Variants in PIK3CB observed in about 807,000 individuals in gnomAD.
PIK3CB encodes the protein phosphatidylinositol 4,5-bisphosphate 3-kinase catalytic subunit beta isoform.
Under a neutral mutation model 136.8 loss-of-function variants are expected in PIK3CB, and 39 were observed. The ratio of observed to expected loss-of-function variants is 0.29; its 90% CI spans 0.22 to 0.37. The LOEUF is 0.37. Ranked by LOEUF, PIK3CB falls within the 10% of genes least tolerant of loss-of-function variation. PIK3CB has a pLI of 1.00. For missense variants in PIK3CB, 868 were observed against 1,275.4 expected (o/e 0.68, Z 4.87); for synonymous variants, 428 against 436.6 (o/e 0.98, Z 0.25).
chr3:138,750,823 T>G (rs752261926), intron 4 of PIK3CB, among the ~76,000 whole-genome samples: 1 of 152,156 alleles, frequency 6.6e-6, no homozygotes, highest in East Asian at 1.9e-4. Context: ...AGGTGACCCT[T>G]TCTGACATAG....
rs1003075703 is a variant in PIK3CB, at chr3:138,654,232, G to C, written c.*1157C>G. 10 of 214,142 alleles carry C rather than the reference G, an allele frequency of 4.7e-5. No homozygotes were observed. Among genetic ancestry groups the C allele is most frequent in the Admixed American group, 1.2e-4 (2 of 17,112 alleles). The allele number at this position is 214,142 out of a possible 1,614,324, so 13.3% of individuals were successfully genotyped here. On this transcript the variant is annotated 3_prime_UTR_variant, in exon 24 of 24. Transcript: ENST00000674063. ...TTGCTGGATGTTGCCAGGACTCAGA[G>C]AGATCACCCATTTACACATTCAAAC...
In PIK3CB at chr3:138,683,751, C is replaced by T; in HGVS notation, c.2352G>A (p.Lys784=). Residue 784 remains lysine (K), a synonymous_variant, in exon 18 of 24, where the codon AAG becomes AAA. Coordinates refer to ENST00000674063, the MANE Select transcript of PIK3CB (RefSeq NM_006219.3). ...TGTTATTGTATACCAGCCACAAAGG[C>T]TTCATTTTGGAATCCATGTATTTGC... ...EKCKYMDSKM[K]PLWLVYNNKV... 3 of 1,608,046 alleles carry T rather than the reference C, an allele frequency of 1.9e-6. No individual in the cohort carries two copies. Among genetic ancestry groups the T allele is most frequent in the Non-Finnish European group, 2.6e-6 (3 of 1,174,830 alleles).
intron 1 of PIK3CB, chr3:138,825,650 T>C (rs1237084878): frequency 1.1e-5 from 7 of 639,466 alleles, no homozygotes; most frequent in Non-Finnish European, 2.0e-5. Flanking sequence ...GACTGCATCC[T>C]ACCACTAACT....
rs754979380 is a variant in PIK3CB at position 138,742,503 on chromosome 3, C to T, written c.621+55G>A. On this transcript the variant is annotated intron_variant, in intron 5 of 23. Coordinates refer to ENST00000674063, the MANE Select transcript of PIK3CB (RefSeq NM_006219.3). ...ACACTTCTAAAAATGCAGTTGTATTCGGGTAAAAATGAGAAATTTATTACA... is the reference window on the plus strand; with the variant it reads ...ACACTTCTAAAAATGCAGTTGTATTTGGGTAAAAATGAGAAATTTATTACA... 224 of 839,632 alleles carry T rather than the reference C, an allele frequency of 2.7e-4. No homozygotes were observed. In the Middle Eastern group the frequency reaches 4.3e-3, roughly 16 times the overall value. 52.0% of individuals were successfully genotyped at this position (839,632 alleles called of 1,614,324 possible).
chr3:138,769,877 C>A lies in PIK3CB; in HGVS notation c.-16-10518G>T, dbSNP rs1304857833. Among the ~76,000 whole-genome samples, 13 of 152,226 alleles carry A rather than the reference C, an allele frequency of 8.5e-5. 1 individual carries two copies. The South Asian group carries it at 2.1e-3, about 24-fold the overall frequency. Reference sequence around the variant, plus strand: ...GTATCTTAGGAGTTACAGACCCTACCCATTTTAAAGATAAGAAAACTAAAG... The same window carrying A: ...GTATCTTAGGAGTTACAGACCCTACACATTTTAAAGATAAGAAAACTAAAG... On this transcript the variant is annotated intron_variant, in intron 2 of 23. Transcript: ENST00000674063.
intron 4 of PIK3CB, among the ~76,000 whole-genome samples, chr3:138,752,897 A>G (rs1472482047): frequency 6.6e-6 from 1 of 152,190 alleles, no homozygotes; most frequent in Non-Finnish European, 1.5e-5. Context: ...TCAATCTTCA[A>G]TATTTTTATT....
intron 19 of PIK3CB, among the ~76,000 whole-genome samples, chr3:138,671,457 A>T (rs2043531261): frequency 6.6e-6 from 1 of 152,184 alleles, no homozygotes; most frequent in Non-Finnish European, 1.5e-5. Context: ...AAATCACATT[A>T]AAAAAATGAT....
chr3:138,796,564 T>C lies in PIK3CB; in HGVS notation c.-118A>G, dbSNP rs1332635025. 6.6e-6 allele frequency: 1 copy of C among 152,122 alleles called. No individual in the cohort carries two copies. Among genetic ancestry groups the C allele is most frequent in the African/African-American group, 2.4e-5 (1 of 41,444 alleles). 9.4% of individuals were successfully genotyped at this position (152,122 alleles called of 1,614,324 possible). The stretch of plus-strand genomic sequence containing the variant: ...TGGAAGACTTTTTCCAGTTAAAACA[T>C]ACACTACAAAAAAGGTTGAAGACAA... On this transcript the variant is annotated 5_prime_UTR_variant, in exon 2 of 24. It removes an upstream start codon present in the reference 5' UTR. Coordinates refer to ENST00000674063, the MANE Select transcript of PIK3CB (RefSeq NM_006219.3).
chr3:138,693,952 TA>T (rs2044068905), intron 14 of PIK3CB, among the ~76,000 whole-genome samples: 1 of 35,840 alleles, frequency 2.8e-5, no homozygotes, highest in African/African-American at 2.2e-4. Context: ...TATATATATA[TA>T]TATATATATA....
chr3:138,656,568 A>G (rs186103317), intron 22 of PIK3CB, among the ~76,000 whole-genome samples: 111 of 152,326 alleles, frequency 7.3e-4, no homozygotes, highest in African/African-American at 2.6e-3. Flanking sequence ...TTTTAATTCT[A>G]TGAGACACAA....
chr3:138,681,897 A>T (rs2108479818), intron 19 of PIK3CB, 70 bp downstream of exon 19: 1 of 885,068 alleles, frequency 1.1e-6, no homozygotes, highest in Non-Finnish European at 1.8e-6. Flanking sequence ...GAAGGAATTA[A>T]CAAGAAATTC....
At chr3:138,798,749 T>C (rs1487322449) in intron 1 of PIK3CB, among the ~76,000 whole-genome samples, 2 of 152,176 alleles carry the variant, frequency 1.3e-5, no homozygotes, top group Non-Finnish European at 2.9e-5. Flanking sequence ...ACAGGACCTA[T>C]TCTTTTACCA....
At chr3:138,788,964 C>CAAAAAAAAAAAAAAAAA (rs57432821) in intron 2 of PIK3CB, among the ~76,000 whole-genome samples, 14 of 89,480 alleles carry the variant, frequency 1.6e-4, no homozygotes, top group African/African-American at 6.0e-4. Context: ...GACTTCGTCT[C>CAAAAAAAAAAAAAAAAA]AAAAAAAAAA....
At chr3:138,675,350 ATAATGGCGTT>A (rs1559805865) in intron 19 of PIK3CB, among the ~76,000 whole-genome samples, 3 of 152,176 alleles carry the variant, frequency 2.0e-5, no homozygotes, top group South Asian at 4.1e-4. Flanking sequence ...CAATAAATGC[ATAATGGCGTT>A]TAAGAAGGAG....
chr3:138,729,124 T>C (rs1030341958), intron 8 of PIK3CB, among the ~76,000 whole-genome samples: 2 of 151,798 alleles, frequency 1.3e-5, no homozygotes, highest in African/African-American at 4.8e-5. Context: ...CTACTAAAAA[T>C]ACAAAAATTA....
intron 1 of PIK3CB, among the ~76,000 whole-genome samples, chr3:138,827,260 G>A (rs925732700): frequency 2.6e-5 from 4 of 152,132 alleles, no homozygotes; most frequent in African/African-American, 4.8e-5. Flanking sequence ...AGGACGCAGT[G>A]AACAAAATTC....
At chr3:138,661,634 G>C (rs2043297286) in intron 21 of PIK3CB, among the ~76,000 whole-genome samples, 1 of 152,184 alleles carries the variant, frequency 6.6e-6, no homozygotes, top group African/African-American at 2.4e-5. Context: ...TTTTAAGTAT[G>C]GACACGAGAT....
chr3:138,753,786 A>G (rs2045515875), intron 4 of PIK3CB, among the ~76,000 whole-genome samples: 1 of 152,158 alleles, frequency 6.6e-6, no homozygotes, highest in South Asian at 2.1e-4. Flanking sequence ...AGCCTAGGTG[A>G]CAGAAAGAGA....
intron 11 of PIK3CB, among the ~76,000 whole-genome samples, chr3:138,705,616 C>T (rs921144831): frequency 1.3e-4 from 20 of 152,216 alleles, no homozygotes; most frequent in African/African-American, 4.1e-4. Flanking sequence ...GAGTGAATTA[C>T]ATAAATTTAA....
Sources: allele counts gnomAD v4.1 joint callset (sites outside exome capture counted in the v4.1 genomes callset), GRCh38; gene constraint gnomAD v4.1.1; transcripts MANE v1.5; gene names NCBI Gene and HGNC (gene_info 2026-07-23, HGNC 2026-07-21).